CACNA1A: variants seen among roughly 807,000 people sequenced by gnomAD.
CACNA1A encodes calcium voltage-gated channel subunit alpha1 A.
Under a neutral mutation model 262.4 loss-of-function variants are expected in CACNA1A, and 57 were observed. The observed-to-expected ratio is 0.22, with a 90% confidence interval of 0.18 to 0.27. The LOEUF (loss-of-function observed/expected upper bound fraction) is 0.27. Ranked by LOEUF, CACNA1A falls within the 10% of genes least tolerant of loss-of-function variation. The pLI, the probability that CACNA1A is intolerant of heterozygous loss-of-function variation, is 1.00. For synonymous variants in CACNA1A, 1,431 were observed against 1,419.3 expected, an observed-to-expected ratio of 1.01 and a Z score of -0.18; for missense variants, 2,526 against 3,562.8, an observed-to-expected ratio of 0.71 and a Z score of 7.41.
intron 1 of CACNA1A, among the ~76,000 whole-genome samples, chr19:13,473,742 C>A (rs1218225511): frequency 2.7e-5 from 3 of 110,504 alleles, no homozygotes; most frequent in Non-Finnish European, 6.6e-5. Flanking sequence ...AGGCACATGG[C>A]AGGCTCCCCC....
chr19:13,262,854 G>A (rs1366909409), intron 24 of CACNA1A, 21 bp from the exon 25 acceptor site: 1 of 1,524,540 alleles, frequency 6.6e-7, no homozygotes, highest in Non-Finnish European at 9.1e-7. Flanking sequence ...ATGTTTAGGT[G>A]GGAAGAAGGG....
chr19:13,245,131 C>T lies in CACNA1A; in HGVS notation c.4950+51G>A, dbSNP rs1054677399. 23 of 1,463,004 alleles carry T rather than the reference C, an allele frequency of 1.6e-5. No homozygotes were observed. The Admixed American group carries it at 3.9e-4, about 24-fold the overall frequency. 90.6% of individuals were successfully genotyped at this position (1,463,004 alleles called of 1,614,324 possible). A position where few individuals can be genotyped will look rare whatever the true frequency, so the allele number is the denominator to read the frequency against. ...GGACCGCTCCCCCGCCCCCTGCCGC[C>T]TGCCTCGTCCAGCCCAGAGTCACCC... On this transcript the variant is annotated intron_variant, in intron 31 of 46. Transcript: ENST00000360228.
intron 1 of CACNA1A, among the ~76,000 whole-genome samples, chr19:13,501,665 T>C (rs770932299): frequency 1.3e-5 from 2 of 152,102 alleles, no homozygotes; most frequent in South Asian, 4.1e-4. Flanking sequence ...ACAACTTCCA[T>C]ACACCTGAAA....
At position 13,257,613 on chromosome 19, in the gene CACNA1A, G is replaced by A. The variant is rs1000977841; in HGVS notation, c.4389-62C>T. 16 of 1,107,674 alleles carry A rather than the reference G, an allele frequency of 1.4e-5. No individual in the cohort carries two copies. The East Asian group carries it at 4.1e-4, about 29-fold the overall frequency. The allele number at this position is 1,107,674 out of a possible 1,614,324, so 68.6% of individuals were successfully genotyped here. On this transcript the variant is annotated intron_variant, in intron 27 of 46. Coordinates refer to ENST00000360228, the MANE Select transcript of CACNA1A (RefSeq NM_001127222.2). ...AAGGAGAGAGACAGGGACCCAAGGG[G>A]TGATGAGGAAGGTGGAGAGAGGGTG...
intron 27 of CACNA1A, chr19:13,257,833 G>A: frequency 4.7e-6 from 1 of 211,216 alleles, no homozygotes; most frequent in Non-Finnish European, 9.4e-6. Context: ...CGCCTCCCGG[G>A]TTCAAATGAT....
chr19:13,211,975 C>T, intron 43 of CACNA1A, 128 bp downstream of exon 43: 1 of 651,426 alleles, frequency 1.5e-6, no homozygotes, highest in Non-Finnish European at 2.7e-6. Flanking sequence ...GCTTCAGAGA[C>T]TGAAGGAGTC....
chr19:13,216,242 T>G (rs1365432293), intron 38 of CACNA1A, among the ~76,000 whole-genome samples: 1 of 152,192 alleles, frequency 6.6e-6, no homozygotes, highest in Non-Finnish European at 1.5e-5. Flanking sequence ...GGGGGGTTCC[T>G]CCTGTGGTTG....
At chr19:13,337,025 G>A (rs2058589545) in intron 6 of CACNA1A, among the ~76,000 whole-genome samples, 1 of 152,194 alleles carries the variant, frequency 6.6e-6, no homozygotes, top group Non-Finnish European at 1.5e-5. Flanking sequence ...GTATGACACT[G>A]CTGCTGCCTG....
intron 6 of CACNA1A, among the ~76,000 whole-genome samples, chr19:13,343,907 T>C (rs964073844): frequency 6.6e-6 from 1 of 152,110 alleles, no homozygotes; most frequent in African/African-American, 2.4e-5. Context: ...TAGCATCAAA[T>C]ACCTACATCA....
At chr19:13,503,758 T>C (rs2145183190) in intron 1 of CACNA1A, among the ~76,000 whole-genome samples, 1 of 151,890 alleles carries the variant, frequency 6.6e-6, no homozygotes, top group South Asian at 2.1e-4. Context: ...GTATAATGTG[T>C]TTGTTACCTC....
At chr19:13,281,925 T>C (rs1409579377) in intron 22 of CACNA1A, among the ~76,000 whole-genome samples, 1 of 152,198 alleles carries the variant, frequency 6.6e-6, no homozygotes, top group Non-Finnish European at 1.5e-5. Context: ...GGATCATCCA[T>C]GCCTGTGCCC....
Position 13,261,530 on chromosome 19 carries a change from G to A in CACNA1A, c.4170C>T (p.Phe1390=), listed in dbSNP as rs760102802. ...LIVYMLFMFI[F]AVVAVQLFKG... ...TGAAGAGCTGCACAGCCACCACGGC[G>A]AAGATGAACATGAATAGCATGTAGA... The change falls in exon 26 of 47, where the codon TTC becomes TTT. Residue 1390 remains phenylalanine, a synonymous_variant. Coordinates refer to ENST00000360228, the MANE Select transcript of CACNA1A (RefSeq NM_001127222.2). 16 of 1,603,020 alleles carry A rather than the reference G, an allele frequency of 1.0e-5. No individual in the cohort carries two copies. Among genetic ancestry groups the A allele is most frequent in the Non-Finnish European group, 1.3e-5 (15 of 1,174,804 alleles).
chr19:13,324,906 G>T (rs1191138272), intron 10 of CACNA1A, among the ~76,000 whole-genome samples: 1 of 152,208 alleles, frequency 6.6e-6, no homozygotes, highest in East Asian at 1.9e-4. Flanking sequence ...AATGGGGTCT[G>T]GTTTTCCTAA....
chr19:13,215,599 C>T (rs1225500460), intron 38 of CACNA1A, among the ~76,000 whole-genome samples: 1 of 149,024 alleles, frequency 6.7e-6, no homozygotes, highest in Non-Finnish European at 1.5e-5. Context: ...CGATTACATG[C>T]GTGAGCCACC....
At chr19:13,399,709 C>T (rs2059867305) in intron 3 of CACNA1A, among the ~76,000 whole-genome samples, 1 of 152,188 alleles carries the variant, frequency 6.6e-6, no homozygotes, top group African/African-American at 2.4e-5. Flanking sequence ...CCAACCTCCA[C>T]CTTTCTTTTT....
intron 3 of CACNA1A, among the ~76,000 whole-genome samples, chr19:13,372,140 G>A (rs1034134834): frequency 2.0e-5 from 3 of 151,948 alleles, no homozygotes; most frequent in East Asian, 1.9e-4. Context: ...CAGACCTTTC[G>A]GGGTTTGTGG....
intron 3 of CACNA1A, among the ~76,000 whole-genome samples, chr19:13,376,773 A>G (rs1028046362): frequency 7.5e-6 from 1 of 132,572 alleles, no homozygotes; most frequent in Non-Finnish European, 1.6e-5. Flanking sequence ...GACATATATA[A>G]CACATAATAT....
At chr19:13,330,166 G>A in intron 10 of CACNA1A, 78 bp downstream of exon 10, 2 of 1,012,892 alleles carry the variant, frequency 2.0e-6, no homozygotes, top group Non-Finnish European at 2.9e-6. Context: ...CGGTTTGCAA[G>A]CCCTCTGCCC....
intron 31 of CACNA1A, 137 bp downstream of exon 31, chr19:13,245,043 CCT>C: frequency 2.8e-6 from 2 of 713,874 alleles, no homozygotes; most frequent in Non-Finnish European, 4.8e-6. Flanking sequence ...CCCAGTTCTC[CCT>C]CTCTGGTCAT....
Sources: gnomAD v4.1 joint callset for allele counts (sites outside exome capture counted in the v4.1 genomes callset) on GRCh38, gnomAD v4.1.1 for gene constraint, MANE v1.5 for transcripts, NCBI Gene and HGNC (gene_info 2026-07-23, HGNC 2026-07-21) for gene names.